ALX1: variants seen among roughly 807,000 people sequenced by gnomAD.
ALX1 encodes the protein ALX homeobox protein 1.
ALX1 carries 19 observed loss-of-function variants against 31.7 expected under a neutral mutation model. The ratio of observed to expected loss-of-function variants is 0.60; its 90% CI spans 0.42 to 0.88. The LOEUF (loss-of-function observed/expected upper bound fraction) is 0.88. Among genes scored for constraint, ALX1 ranks in the 40% least tolerant of loss-of-function variants. The pLI is 0.00. For missense variants in ALX1, 415 were observed against 407.8 expected, an observed-to-expected ratio of 1.02 and a Z score of -0.15; for synonymous variants, 153 against 148.8, an observed-to-expected ratio of 1.03 and a Z score of -0.20.
intron 3 of ALX1, among the ~76,000 whole-genome samples, chr12:85,291,053 T>C (rs1382061554): frequency 6.6e-6 from 1 of 151,210 alleles, no homozygotes; most frequent in Non-Finnish European, 1.5e-5. Context: ...ATATATTAAG[T>C]AGTGTATCAT....
chr12:85,301,383 A>G lies in ALX1; in HGVS notation c.889A>G (p.Thr297Ala), dbSNP rs1896964262. 3 of 1,614,088 alleles carry G rather than the reference A, an allele frequency of 1.9e-6. No individual in the cohort carries two copies. The Admixed American group carries it at 5.0e-5, about 27-fold the overall frequency. Reference protein sequence around the residue: ...TGATNGHAFETKPEFERRSSS... With the variant: ...TGATNGHAFEAKPEFERRSSS... ...GGCAACCAATGGACATGCATTTGAA[A>G]CAAAGCCAGAGTTTGAAAGGAGGTC... The change falls in exon 4 of 4, where the codon ACA becomes GCA. Residue 297 changes from threonine to alanine, a missense_variant. This residue lies in a region of ALX1 where 174 missense variants were observed against 177.5 expected (regional missense o/e 0.98). Transcript: ENST00000316824.
At chr12:85,281,625 A>G (rs1896674620) in intron 1 of ALX1, among the ~76,000 whole-genome samples, 1 of 152,232 alleles carries the variant, frequency 6.6e-6, no homozygotes, top group South Asian at 2.1e-4. Context: ...ATTTTATTTA[A>G]CGTTGCAAGT....
At chr12:85,295,618 T>G (rs1233099318) in intron 3 of ALX1, among the ~76,000 whole-genome samples, 4 of 151,586 alleles carry the variant, frequency 2.6e-5, no homozygotes, top group African/African-American at 4.8e-5. Flanking sequence ...CACAAGTAAC[T>G]CTATAAATCT....
chr12:85,281,224 A>T (rs1217070643), intron 1 of ALX1, among the ~76,000 whole-genome samples: 2 of 152,218 alleles, frequency 1.3e-5, no homozygotes, highest in Non-Finnish European at 2.9e-5. Flanking sequence ...TCACATTAAA[A>T]GTCACCTAAG....
At chr12:85,293,713 C>T (rs1355062592) in intron 3 of ALX1, among the ~76,000 whole-genome samples, 1 of 150,972 alleles carries the variant, frequency 6.6e-6, no homozygotes, top group Non-Finnish European at 1.5e-5. Flanking sequence ...ATGAATGTTG[C>T]AGAGTGCCAA....
At chr12:85,293,206 TTTAA>T (rs1241314932) in intron 3 of ALX1, among the ~76,000 whole-genome samples, 22 of 147,690 alleles carry the variant, frequency 1.5e-4, no homozygotes, top group African/African-American at 5.1e-4. Context: ...AATATACTGA[TTTAA>T]TTAAATTTAT....
intron 3 of ALX1, among the ~76,000 whole-genome samples, chr12:85,299,864 A>G (rs1349921195): frequency 6.6e-6 from 1 of 151,962 alleles, no homozygotes; most frequent in Admixed American, 6.6e-5. Context: ...AGAAACAAAT[A>G]TAGGAAGACA....
At chr12:85,301,125 A>G (rs1896958578) in intron 3 of ALX1, 30 bp from the exon 4 acceptor site, 3 of 1,610,178 alleles carry the variant, frequency 1.9e-6, no homozygotes, top group Non-Finnish European at 2.5e-6. Context: ...GAACATGTAA[A>G]TGTAATATTT....
intron 3 of ALX1, among the ~76,000 whole-genome samples, chr12:85,293,531 C>A (rs1312335595): frequency 1.3e-5 from 2 of 150,728 alleles, no homozygotes; most frequent in African/African-American, 2.4e-5. Flanking sequence ...AAACAAAGTG[C>A]ACTCCTGTCA....
intron 1 of ALX1, among the ~76,000 whole-genome samples, chr12:85,282,211 C>T (rs1051211754): frequency 1.3e-5 from 2 of 151,558 alleles, no homozygotes; most frequent in African/African-American, 4.9e-5. Flanking sequence ...ATCACATCTT[C>T]GTTTGCATGA....
intron 2 of ALX1, among the ~76,000 whole-genome samples, 168 bp downstream of exon 2, chr12:85,284,044 A>G (rs752364663): frequency 2.0e-5 from 3 of 152,180 alleles, no homozygotes; most frequent in Admixed American, 1.3e-4. Flanking sequence ...TTTTAATTGC[A>G]AAAATTTTGA....
chr12:85,298,870 C>T (rs981283049), intron 3 of ALX1, among the ~76,000 whole-genome samples: 1 of 151,600 alleles, frequency 6.6e-6, no homozygotes, highest in African/African-American at 2.4e-5. Context: ...TTTTTATGTA[C>T]TCTACAGAAT....
At chr12:85,299,052 A>T (rs1447337712) in intron 3 of ALX1, among the ~76,000 whole-genome samples, 1 of 149,272 alleles carries the variant, frequency 6.7e-6, no homozygotes, top group Non-Finnish European at 1.5e-5. Flanking sequence ...TTTTAATAAA[A>T]AATTCAAGAA....
In ALX1 at chr12:85,283,771, G is replaced by T; in HGVS notation, c.426G>T (p.Leu142Phe). 2 of 1,614,142 alleles carry T rather than the reference G, an allele frequency of 1.2e-6. No homozygotes were observed. The highest frequency in any genetic ancestry group is 1.7e-6 in the Non-Finnish European group (2 of 1,180,016). The change falls in exon 2 of 4, where the codon TTG becomes TTT. Residue 142 changes from leucine (L) to phenylalanine (F), a missense_variant. Leu to Phe is a conservative substitution (Grantham distance 22, BLOSUM62 0). Transcript: ENST00000316824. ...KRRHRTTFTS[L>F]QLEELEKVFQ... Reference sequence around the variant, plus strand: ...GGCACCGAACCACCTTCACCAGTTTGCAGCTAGAGGAGCTGGAGAAAGTCT... The same window carrying T: ...GGCACCGAACCACCTTCACCAGTTTTCAGCTAGAGGAGCTGGAGAAAGTCT...
rs569263516 is a variant in ALX1, at chr12:85,299,518, A to G, written c.661-1637A>G. On this transcript the variant is annotated intron_variant, in intron 3 of 3. Coordinates refer to ENST00000316824, the MANE Select transcript of ALX1 (RefSeq NM_006982.3). ...GATTTCTCTCTTTGTCTCTTTCTAC[A>G]TATGTATATATTTAACAACTTTAAA... is the stretch of plus-strand genomic sequence containing the variant. 1.2e-4 allele frequency among the ~76,000 whole-genome samples: 18 copies of G among 151,832 alleles called. No homozygotes were observed. The South Asian group carries it at 3.5e-3, about 30-fold the overall frequency.
At chr12:85,292,314 C>A (rs1237821092) in intron 3 of ALX1, among the ~76,000 whole-genome samples, 2 of 151,074 alleles carry the variant, frequency 1.3e-5, no homozygotes, top group Non-Finnish European at 3.0e-5. Flanking sequence ...ATATTCAATT[C>A]ACCAGAATTA....
At chr12:85,282,365 T>C (rs1202496402) in intron 1 of ALX1, among the ~76,000 whole-genome samples, 2 of 152,174 alleles carry the variant, frequency 1.3e-5, no homozygotes, top group African/African-American at 2.4e-5. Flanking sequence ...CCTCAAATAT[T>C]TGACATTTTT....
At chr12:85,297,997 T>TA (rs1287529048) in intron 3 of ALX1, among the ~76,000 whole-genome samples, 1 of 151,736 alleles carries the variant, frequency 6.6e-6, no homozygotes, top group Non-Finnish European at 1.5e-5. Flanking sequence ...TTCAAGCACT[T>TA]AATAACTTTG....
chr12:85,289,540 A>T (rs953738825), intron 3 of ALX1, among the ~76,000 whole-genome samples: 3 of 151,190 alleles, frequency 2.0e-5, no homozygotes, highest in African/African-American at 7.3e-5. Context: ...ATTCCTCATA[A>T]TTTTGTATAC....
Sources: gnomAD v4.1 joint callset for allele counts (sites outside exome capture counted in the v4.1 genomes callset) on GRCh38, gnomAD v4.1.1 for gene constraint, gnomAD v4.1.1 regional missense constraint, MANE v1.5 for transcripts, NCBI Gene and HGNC (gene_info 2026-07-23, HGNC 2026-07-21) for gene names.